The following LGSN variants were observed in gnomAD, a reference collection of about 807,000 sequenced individuals.
LGSN encodes lengsin.
LGSN carries 21 observed loss-of-function variants against 19.5 expected under a neutral mutation model. That is an observed-to-expected ratio of 1.07 (90% CI 0.76 to 1.55). The LOEUF is 1.55. Among genes scored for constraint, LGSN ranks in the 40% most tolerant of loss-of-function variants. The pLI, the probability that LGSN is intolerant of heterozygous loss-of-function variation, is 0.00. For synonymous variants in LGSN, 257 were observed against 215.6 expected (o/e 1.19, Z -1.68); for missense variants, 673 against 608.5 (o/e 1.11, Z -1.12).
intron 1 of LGSN, among the ~76,000 whole-genome samples, chr6:63,319,617 TA>T (rs2127399016): frequency 6.6e-6 from 1 of 150,656 alleles, no homozygotes; most frequent in African/African-American, 2.5e-5. Flanking sequence ...AAAATAGAAA[TA>T]AATTTTTTTA....
the LGSN span, among the ~76,000 whole-genome samples, chr6:63,559,868 C>A: frequency 6.6e-6 from 1 of 152,152 alleles, no homozygotes; most frequent in South Asian, 2.1e-4. Context: ...CTCAAACAAT[C>A]CTCCTGCCTT....
chr6:63,440,292 G>A, the LGSN span, among the ~76,000 whole-genome samples: 1 of 152,242 alleles, frequency 6.6e-6, no homozygotes, highest in Middle Eastern at 3.4e-3. Context: ...GTGGAGCCTC[G>A]CGAAGTTCAG....
At chr6:63,293,860 T>C in intron 2 of LGSN, 5 of 431,536 alleles carry the variant, frequency 1.2e-5, no homozygotes, top group Middle Eastern at 3.4e-4. Context: ...ATCCTCTCTG[T>C]AGTAATAAGG....
chr6:63,355,232 C>T, the LGSN span, among the ~76,000 whole-genome samples: 3 of 152,144 alleles, frequency 2.0e-5, no homozygotes, highest in South Asian at 4.1e-4. Flanking sequence ...CCTACAAATA[C>T]ATACAAATAT....
At chr6:63,413,404 G>A in the LGSN span, among the ~76,000 whole-genome samples, 1 of 152,058 alleles carries the variant, frequency 6.6e-6, no homozygotes, top group Non-Finnish European at 1.5e-5. Flanking sequence ...AGAAAGATTG[G>A]CTGACATTTA....
chr6:63,430,811 T>C, the LGSN span, among the ~76,000 whole-genome samples: 1 of 152,176 alleles, frequency 6.6e-6, no homozygotes, highest in Non-Finnish European at 1.5e-5. Context: ...CATGTCAATG[T>C]GAACAAACTA....
chr6:63,390,099 A>T, the LGSN span, among the ~76,000 whole-genome samples: 1 of 139,094 alleles, frequency 7.2e-6, no homozygotes, highest in East Asian at 2.1e-4. Flanking sequence ...AAGTATTTGG[A>T]CACTTTCTTT....
chr6:63,382,764 G>A, the LGSN span, among the ~76,000 whole-genome samples: 3 of 152,098 alleles, frequency 2.0e-5, no homozygotes, highest in Non-Finnish European at 2.9e-5. Context: ...TCCCAATAAA[G>A]TGTTTTAAAA....
the LGSN span, among the ~76,000 whole-genome samples, chr6:63,485,645 C>T: frequency 6.6e-6 from 1 of 152,148 alleles, no homozygotes; most frequent in Admixed American, 6.6e-5. Flanking sequence ...ATTTAGACTC[C>T]CACCAACAGT....
At chr6:63,404,602 C>T in the LGSN span, among the ~76,000 whole-genome samples, 1 of 152,146 alleles carries the variant, frequency 6.6e-6, no homozygotes, top group Non-Finnish European at 1.5e-5. Context: ...CTCCCTGGAA[C>T]TTCATAGAGC....
the LGSN span, among the ~76,000 whole-genome samples, chr6:63,443,914 C>CAA: frequency 2.4e-3 from 342 of 141,042 alleles, no homozygotes; most frequent in Admixed American, 4.1e-3. Flanking sequence ...CAGCTGTCAC[C>CAA]AAAAAAAAAA....
At chr6:63,334,913 T>C in the LGSN span, among the ~76,000 whole-genome samples, 3 of 151,712 alleles carry the variant, frequency 2.0e-5, no homozygotes, top group Non-Finnish European at 4.4e-5. Context: ...CTGAGGAGGA[T>C]GGATCACAAG....
the LGSN span, among the ~76,000 whole-genome samples, chr6:63,382,596 C>T: frequency 1.3e-5 from 2 of 152,156 alleles, no homozygotes; most frequent in Non-Finnish European, 2.9e-5. Context: ...TTGAGAGATA[C>T]AGGTTTCTCA....
chr6:63,535,883 C>T, the LGSN span, among the ~76,000 whole-genome samples: 5 of 152,190 alleles, frequency 3.3e-5, no homozygotes, highest in African/African-American at 9.6e-5. Context: ...TGCAATTCTC[C>T]TGCTTCAGCC....
the LGSN span, among the ~76,000 whole-genome samples, chr6:63,366,310 G>A: frequency 6.6e-6 from 1 of 152,126 alleles, no homozygotes; most frequent in East Asian, 1.9e-4. Flanking sequence ...CAAACAGAGA[G>A]CCAAATCAAG....
chr6:63,331,217 G>A, the LGSN span, among the ~76,000 whole-genome samples: 1 of 152,168 alleles, frequency 6.6e-6, no homozygotes, highest in African/African-American at 2.4e-5. Flanking sequence ...CCTCCTCTGG[G>A]ATGTAAATTG....
chr6:63,314,379 T>C (rs1768762768), intron 1 of LGSN, among the ~76,000 whole-genome samples: 1 of 152,152 alleles, frequency 6.6e-6, no homozygotes, highest in Non-Finnish European at 1.5e-5. Flanking sequence ...AACTTGGACT[T>C]ACAGCCTCCA....
chr6:63,527,222 C>G, the LGSN span, among the ~76,000 whole-genome samples: 1 of 152,152 alleles, frequency 6.6e-6, no homozygotes, highest in Non-Finnish European at 1.5e-5. Context: ...ATAGCAGTTA[C>G]TTTATGTGCA....
At chr6:63,530,441 A>G in the LGSN span, among the ~76,000 whole-genome samples, 1 of 152,150 alleles carries the variant, frequency 6.6e-6, no homozygotes, top group Non-Finnish European at 1.5e-5. Context: ...GTACCATAAG[A>G]TGCTCTAGGT....
Sources: gnomAD v4.1 joint callset for allele counts (sites outside exome capture counted in the v4.1 genomes callset) on GRCh38, gnomAD v4.1.1 for gene constraint, MANE v1.5 for transcripts, NCBI Gene and HGNC (gene_info 2026-07-23, HGNC 2026-07-21) for gene names.